CDH18: variants seen among roughly 807,000 people sequenced by gnomAD.
The protein encoded by CDH18 is cadherin-18.
A neutral mutation model predicts 67.9 loss-of-function variants in CDH18; 31 were observed. That is an observed-to-expected ratio of 0.46 (90% CI 0.34 to 0.62). The LOEUF (loss-of-function observed/expected upper bound fraction) is 0.62, where lower values mean the gene tolerates loss of function less well. Ranked by LOEUF, CDH18 falls within the 20% of genes least tolerant of loss-of-function variation. CDH18 has a pLI of 0.01. For synonymous variants in CDH18, 362 were observed against 347.2 expected (o/e 1.04, Z -0.48); for missense variants, 890 against 975.5 (o/e 0.91, Z 1.17).
At chr5:20,565,599 A>G (rs751620324) in intron 1 of CDH18, among the ~76,000 whole-genome samples, 6 of 151,946 alleles carry the variant, frequency 3.9e-5, no homozygotes, top group Non-Finnish European at 5.9e-5. Flanking sequence ...TGGTACTCTC[A>G]TCTTTACTTA....
intron 1 of CDH18, among the ~76,000 whole-genome samples, chr5:20,368,497 A>G (rs1742701190): frequency 1.3e-5 from 2 of 152,214 alleles, no homozygotes; most frequent in Admixed American, 6.5e-5. Context: ...GCTTTCTAGC[A>G]TCTTTTAAAT....
chr5:19,981,060 C>A lies in CDH18; in HGVS notation c.-257G>T, dbSNP rs1361762174. On this transcript the variant is annotated splice_region_variant and 5_prime_UTR_variant, in exon 2 of 13. The change creates a new upstream start codon in the 5' untranslated region. Transcript: ENST00000382275. ...TTTCATGATAAATACAGAATCAAAC[C>A]TTTTCTCTCAATCTCCACTGCTGTC... 2.0e-5 allele frequency: 3 copies of A among 152,128 alleles called. No homozygotes were observed. The highest frequency in any genetic ancestry group is 6.6e-5 in the Admixed American group (1 of 15,264). 9.4% of individuals were successfully genotyped at this position (152,128 alleles called of 1,614,324 possible). A position where few individuals can be genotyped will look rare whatever the true frequency, so the allele number is the denominator to read the frequency against.
chr5:20,039,636 C>A (rs1580100456), intron 2 of CDH18, among the ~76,000 whole-genome samples: 2 of 152,114 alleles, frequency 1.3e-5, no homozygotes, highest in African/African-American at 4.8e-5. Context: ...GGAAAACTGG[C>A]TAGCCATATG....
chr5:20,542,226 T>C (rs1180230025), intron 1 of CDH18, among the ~76,000 whole-genome samples: 1 of 151,942 alleles, frequency 6.6e-6, no homozygotes, highest in Non-Finnish European at 1.5e-5. Flanking sequence ...GCTAAGTAAA[T>C]AGTAAGTGTT....
At chr5:19,980,933 C>T (rs1267839799) in intron 2 of CDH18, 127 bp downstream of exon 2, 20 of 152,162 alleles carry the variant, frequency 1.3e-4, no homozygotes, top group African/African-American at 2.4e-5. Context: ...TCAGTTGCAG[C>T]CCTCTTATTG....
chr5:19,728,757 A>T (rs1324599341), intron 4 of CDH18, among the ~76,000 whole-genome samples: 1 of 152,194 alleles, frequency 6.6e-6, no homozygotes, highest in African/African-American at 2.4e-5. Context: ...TCAATGTTGA[A>T]TAAGAACTTT....
intron 5 of CDH18, among the ~76,000 whole-genome samples, chr5:19,662,429 A>T (rs1358586194): frequency 2.0e-5 from 3 of 152,070 alleles, no homozygotes; most frequent in Non-Finnish European, 4.4e-5. Context: ...GAAGGTAAAT[A>T]TAACCATACA....
intron 1 of CDH18, among the ~76,000 whole-genome samples, chr5:20,567,869 G>A (rs911650467): frequency 7.2e-5 from 11 of 152,004 alleles, no homozygotes; most frequent in African/African-American, 2.7e-4. Context: ...ACTCGTCTTT[G>A]CAGCCCCTTG....
chr5:20,012,372 CAAAAA>C (rs374226366), intron 2 of CDH18, among the ~76,000 whole-genome samples: 1 of 116,088 alleles, frequency 8.6e-6, no homozygotes, highest in Non-Finnish European at 1.7e-5. Context: ...TTATCTTGTT[CAAAAA>C]AAAAAAAAAA....
chr5:20,145,215 G>T (rs1273393051), intron 2 of CDH18, among the ~76,000 whole-genome samples: 1 of 151,912 alleles, frequency 6.6e-6, no homozygotes, highest in Non-Finnish European at 1.5e-5. Flanking sequence ...GTTTATTTTT[G>T]ATATATGTGA....
rs370867045 is a variant in CDH18, at chr5:20,142,648, T to C, written c.-518+112796A>G. 1.1e-3 allele frequency among the ~76,000 whole-genome samples: 160 copies of C among 151,546 alleles called. 2 individuals carry two copies. The highest frequency in any genetic ancestry group is 3.4e-3 in the Middle Eastern group (1 of 290). Reference sequence around the variant, plus strand: ...ATAAGGTAATTAGGGTGAACTCTAATCTAATATCATTAGTGTCCTTATAAA... The same window carrying C: ...ATAAGGTAATTAGGGTGAACTCTAACCTAATATCATTAGTGTCCTTATAAA... On this transcript the variant is annotated intron_variant, in intron 2 of 14. Transcript: ENST00000507958.
intron 2 of CDH18, among the ~76,000 whole-genome samples, chr5:20,248,688 C>T (rs1743572986): frequency 6.6e-6 from 1 of 152,184 alleles, no homozygotes; most frequent in African/African-American, 2.4e-5. Context: ...AGGCTCCATG[C>T]TGATTGTTGG....
chr5:20,336,901 C>G (rs752078732), intron 1 of CDH18, among the ~76,000 whole-genome samples: 2 of 152,100 alleles, frequency 1.3e-5, no homozygotes, highest in Admixed American at 6.6e-5. Flanking sequence ...TTCAGATTCC[C>G]CATGGGTTTT....
At chr5:19,752,000 T>C (rs2149672410) in intron 3 of CDH18, among the ~76,000 whole-genome samples, 1 of 152,012 alleles carries the variant, frequency 6.6e-6, no homozygotes, top group Non-Finnish European at 1.5e-5. Context: ...ATGCCCCAAA[T>C]ATTGTAAGTG....
At chr5:20,067,382 G>A (rs925051924) in intron 2 of CDH18, among the ~76,000 whole-genome samples, 2 of 150,952 alleles carry the variant, frequency 1.3e-5, no homozygotes, top group East Asian at 3.9e-4. Flanking sequence ...GTCTTTTGCT[G>A]TATGCGCTCA....
chr5:20,102,315 C>T (rs1230351125), intron 2 of CDH18, among the ~76,000 whole-genome samples: 2 of 151,978 alleles, frequency 1.3e-5, no homozygotes, highest in South Asian at 2.1e-4. Context: ...CAGTGAAGTA[C>T]ATATTCTGTT....
chr5:20,226,121 A>G (rs1439216313), intron 2 of CDH18, among the ~76,000 whole-genome samples: 1 of 152,130 alleles, frequency 6.6e-6, no homozygotes, highest in African/African-American at 2.4e-5. Flanking sequence ...GTTTTTAAAA[A>G]GTAAAGTAAA....
intron 2 of CDH18, among the ~76,000 whole-genome samples, chr5:19,956,280 AT>A (rs1001457533): frequency 1.3e-5 from 2 of 151,948 alleles, no homozygotes; most frequent in African/African-American, 4.8e-5. Flanking sequence ...TTTCTAAGTA[AT>A]TTCATTTATG....
At chr5:20,454,397 T>C (rs1454814629) in intron 1 of CDH18, among the ~76,000 whole-genome samples, 1 of 152,106 alleles carries the variant, frequency 6.6e-6, no homozygotes, top group Non-Finnish European at 1.5e-5. Context: ...AAATAAGTAT[T>C]CTATAGATAA....
Sources: gnomAD v4.1 joint callset for allele counts (sites outside exome capture counted in the v4.1 genomes callset) on GRCh38, gnomAD v4.1.1 for gene constraint, MANE v1.5 for transcripts, NCBI Gene and HGNC (gene_info 2026-07-23, HGNC 2026-07-21) for gene names.